TMEM161B: variants seen among roughly 807,000 people sequenced by gnomAD.
The protein encoded by TMEM161B is transmembrane protein 161B.
A neutral mutation model predicts 61.8 loss-of-function variants in TMEM161B; 34 were observed. The observed-to-expected ratio is 0.55, with a 90% CI of 0.42 to 0.73. TMEM161B has a LOEUF of 0.73. TMEM161B is among the 30% of genes least tolerant of loss of function. The pLI, the probability that TMEM161B is intolerant of heterozygous loss-of-function variation, is 0.00. For synonymous variants in TMEM161B, 167 were observed against 192.8 expected (o/e 0.87, Z 1.11); for missense variants, 456 against 558.5 (o/e 0.82, Z 1.85).
chr5:88,237,065 G>A (rs1751972417), intron 2 of TMEM161B, among the ~76,000 whole-genome samples: 1 of 152,164 alleles, frequency 6.6e-6, no homozygotes, highest in African/African-American at 2.4e-5. Context: ...TTCAGGATAA[G>A]AGGTCTGGAT....
intron 2 of TMEM161B, among the ~76,000 whole-genome samples, chr5:88,233,026 A>G (rs1383441492): frequency 6.6e-6 from 1 of 152,162 alleles, no homozygotes; most frequent in Non-Finnish European, 1.5e-5. Context: ...GTTGGAATCT[A>G]AGGATGCTCG....
chr5:88,202,049 C>A, intron 9 of TMEM161B: 1 of 433,728 alleles, frequency 2.3e-6, no homozygotes. Flanking sequence ...TTAATTCCAG[C>A]TGGTTGCATT....
At chr5:88,222,162 G>A (rs990395116) in intron 4 of TMEM161B, among the ~76,000 whole-genome samples, 3 of 152,060 alleles carry the variant, frequency 2.0e-5, no homozygotes, top group Non-Finnish European at 2.9e-5. Context: ...TCAGCTTCTC[G>A]GGCTCAAACA....
chr5:88,194,639 CA>C (rs1447541552), downstream of TMEM161B, among the ~76,000 whole-genome samples: 1 of 151,760 alleles, frequency 6.6e-6, no homozygotes, highest in Admixed American at 6.6e-5. Flanking sequence ...CCTTTTAAAA[CA>C]TGGCTATTTC....
intron 1 of TMEM161B, among the ~76,000 whole-genome samples, chr5:88,256,775 T>C (rs1437085230): frequency 6.6e-6 from 1 of 152,220 alleles, no homozygotes; most frequent in Non-Finnish European, 1.5e-5. Flanking sequence ...ATAAAATAAA[T>C]GGATAAAGCA....
At chr5:88,205,655 TAAAA>T in intron 8 of TMEM161B, 155 bp downstream of exon 8, 2 of 756,352 alleles carry the variant, frequency 2.6e-6, no homozygotes, top group Non-Finnish European at 4.0e-6. Context: ...TAGAAGCAAA[TAAAA>T]GAAACTTGCT....
chr5:88,194,629 CCTTTT>C (rs1205505830), downstream of TMEM161B, among the ~76,000 whole-genome samples: 1 of 152,032 alleles, frequency 6.6e-6, no homozygotes, highest in East Asian at 1.9e-4. Context: ...GCATTCCTTT[CCTTTT>C]AAAACATGGC....
intron 1 of TMEM161B, among the ~76,000 whole-genome samples, chr5:88,261,581 C>A (rs1337335461): frequency 6.7e-6 from 1 of 149,396 alleles, no homozygotes; most frequent in African/African-American, 2.5e-5. Context: ...AAGAAATAAA[C>A]AGATCAACAG....
At chr5:88,248,714 GAAAAA>G (rs11286517) in intron 1 of TMEM161B, among the ~76,000 whole-genome samples, 2 of 117,610 alleles carry the variant, frequency 1.7e-5, no homozygotes, top group African/African-American at 6.4e-5. Context: ...AGTCGACTGA[GAAAAA>G]AAAAAAAAAA....
rs113688213 is a variant in TMEM161B at position 88,251,692 on chromosome 5, A to T, written c.4-10776T>A. Among the ~76,000 whole-genome samples the T allele has an allele frequency of 2.5e-3, 383 of 152,314 alleles. 2 individuals carry two copies. Among genetic ancestry groups the T allele is most frequent in the African/African-American group, 8.9e-3 (370 of 41,584 alleles). ...AAAAGAACTATATATCAATATAACA[A>T]ATGATTTATGATCTTAAACAATGTT... On this transcript the variant is annotated intron_variant, in intron 1 of 11. Coordinates refer to ENST00000296595, the MANE Select transcript of TMEM161B (RefSeq NM_153354.5).
intron 5 of TMEM161B, among the ~76,000 whole-genome samples, chr5:88,211,905 A>T (rs1414931823): frequency 6.6e-6 from 1 of 152,134 alleles, no homozygotes; most frequent in Admixed American, 6.6e-5. Context: ...TCAAAGACAT[A>T]ATCAAAGAAA....
At chr5:88,189,231 C>T (rs1258637379), downstream of TMEM161B, among the ~76,000 whole-genome samples, 1 of 151,684 alleles carries the variant, frequency 6.6e-6, no homozygotes, top group African/African-American at 2.4e-5. Flanking sequence ...TTTTTTTTAA[C>T]CCTACCTCAG....
intron 4 of TMEM161B, among the ~76,000 whole-genome samples, chr5:88,224,504 A>G (rs1749625896): frequency 1.3e-5 from 2 of 152,216 alleles, no homozygotes; most frequent in East Asian, 1.9e-4. Context: ...TATAATATAT[A>G]GGAGGAAAAC....
chr5:88,236,253 T>C (rs1281436179), intron 2 of TMEM161B, among the ~76,000 whole-genome samples: 1 of 152,168 alleles, frequency 6.6e-6, no homozygotes, highest in East Asian at 1.9e-4. Flanking sequence ...CAGACCAAAC[T>C]AGACTTCAGA....
downstream of TMEM161B, among the ~76,000 whole-genome samples, chr5:88,192,857 A>G (rs1049102023): frequency 6.6e-6 from 1 of 152,246 alleles, no homozygotes; most frequent in African/African-American, 2.4e-5. Flanking sequence ...TGAGAATTCA[A>G]TCTTTCATTT....
Position 88,195,536 on chromosome 5 carries a change from G to C in TMEM161B, c.*675C>G. ...CAAACCTAATGGCAAGATTACAAAT[G>C]TTCATATGGCCAATCATTTTAAAAG... On this transcript the variant is annotated 3_prime_UTR_variant, in exon 12 of 12. Coordinates refer to ENST00000296595, the MANE Select transcript of TMEM161B (RefSeq NM_153354.5). 1.0e-6 allele frequency: 1 copy of C among 985,236 alleles called. No individual in the cohort carries two copies. The highest frequency in any genetic ancestry group is 1.2e-6 in the Non-Finnish European group (1 of 829,684). 61.0% of individuals were successfully genotyped at this position (985,236 alleles called of 1,614,324 possible).
chr5:88,208,777 C>T (rs1371867567), intron 5 of TMEM161B, among the ~76,000 whole-genome samples: 1 of 152,222 alleles, frequency 6.6e-6, no homozygotes, highest in Non-Finnish European at 1.5e-5. Context: ...GATCTAGAAT[C>T]TGTGCACGTA....
At chr5:88,258,548 G>T (rs1161839516) in intron 1 of TMEM161B, among the ~76,000 whole-genome samples, 1 of 152,028 alleles carries the variant, frequency 6.6e-6, no homozygotes, top group Non-Finnish European at 1.5e-5. Flanking sequence ...GAAACAAATG[G>T]TTCTAGTTAT....
intron 4 of TMEM161B, among the ~76,000 whole-genome samples, chr5:88,225,394 C>A (rs762620652): frequency 3.3e-5 from 5 of 152,134 alleles, no homozygotes; most frequent in East Asian, 1.9e-4. Flanking sequence ...AAAGTAGGCA[C>A]CCCAACCCCT....
Sources: allele counts gnomAD v4.1 joint callset (sites outside exome capture counted in the v4.1 genomes callset), GRCh38; gene constraint gnomAD v4.1.1; transcripts MANE v1.5; gene names NCBI Gene and HGNC (gene_info 2026-07-23, HGNC 2026-07-21).